The following KCNIP1 variants were observed in gnomAD, a reference collection of about 807,000 sequenced individuals.
KCNIP1 encodes A-type potassium channel modulatory protein KCNIP1.
A neutral mutation model predicts 33.0 loss-of-function variants in KCNIP1; 18 were observed. That is an observed-to-expected ratio of 0.55 (90% confidence interval 0.38 to 0.81). The LOEUF is 0.81. Ranked by LOEUF, KCNIP1 falls within the 30% of genes least tolerant of loss-of-function variation. The probability of loss-of-function intolerance (pLI) is 0.00; values close to 1 mark genes in which losing one functional copy is unlikely to be tolerated. For synonymous variants in KCNIP1, 93 were observed against 98.3 expected, an observed-to-expected ratio of 0.95 and a Z score of 0.32; for missense variants, 238 against 271.6, an observed-to-expected ratio of 0.88 and a Z score of 0.87.
In KCNIP1 at chr5:170,570,048, C is replaced by T. The variant is rs560353881; in HGVS notation, c.61+65415C>T. On this transcript the variant is annotated intron_variant, in intron 1 of 7. Transcript: ENST00000328939. ...GGTCCCTGCCCATCTGCAACACTCTCCTGTTTCTGCTCCGATGCTCTACGA... is the reference window on the plus strand; with the variant it reads ...GGTCCCTGCCCATCTGCAACACTCTTCTGTTTCTGCTCCGATGCTCTACGA... 8.0e-4 allele frequency among the ~76,000 whole-genome samples: 122 copies of T among 152,318 alleles called. No individual in the cohort carries two copies. In the Middle Eastern group the frequency reaches 0.01, roughly 13 times the overall value.
intron 1 of KCNIP1, among the ~76,000 whole-genome samples, chr5:170,673,360 AGTGAGAGTG>A (rs1218640197): frequency 2.6e-5 from 4 of 152,244 alleles, no homozygotes; most frequent in Non-Finnish European, 4.4e-5. Flanking sequence ...CGATCTGTTA[AGTGAGAGTG>A]GTGATGATGA....
Position 170,476,352 on chromosome 5 carries a change from G to A in KCNIP1, c.88+122388G>A, listed in dbSNP as rs566748163. ...TTACAATAACAGATGATGAAATATC[G>A]AAGTGTTGAACTGTCCTCTCAATTC... On this transcript the variant is annotated intron_variant, in intron 1 of 7. Coordinates refer to the KCNIP1 transcript ENST00000377360. Among the ~76,000 whole-genome samples the A allele has an allele frequency of 3.3e-5, 5 of 152,202 alleles. No homozygotes were observed. In the South Asian group the frequency reaches 6.2e-4, roughly 19 times the overall value.
intron 1 of KCNIP1, among the ~76,000 whole-genome samples, chr5:170,437,348 C>T (rs1373103302): frequency 6.6e-6 from 1 of 152,156 alleles, no homozygotes; most frequent in Non-Finnish European, 1.5e-5. Flanking sequence ...TTCTCAAATG[C>T]CAAGGTGGCA....
intron 1 of KCNIP1, among the ~76,000 whole-genome samples, chr5:170,515,187 C>G (rs1755077117): frequency 6.6e-6 from 1 of 152,130 alleles, no homozygotes; most frequent in South Asian, 2.1e-4. Context: ...CTAGAAGCGC[C>G]TTATGATTTG....
chr5:170,680,515 CT>C (rs2113792587), intron 1 of KCNIP1: 1 of 152,360 alleles, frequency 6.6e-6, no homozygotes, highest in East Asian at 1.9e-4. Flanking sequence ...CTTACCATAG[CT>C]TTCCTGGTGG....
chr5:170,394,222 C>T (rs1234971847), intron 1 of KCNIP1, among the ~76,000 whole-genome samples: 3 of 152,224 alleles, frequency 2.0e-5, no homozygotes, highest in African/African-American at 4.8e-5. Flanking sequence ...AGCCACTCTC[C>T]GCGCCTCCTG....
At chr5:170,431,203 G>A (rs991886522) in intron 1 of KCNIP1, among the ~76,000 whole-genome samples, 7 of 152,254 alleles carry the variant, frequency 4.6e-5, no homozygotes, top group South Asian at 4.1e-4. Flanking sequence ...CTAGGCTGGC[G>A]GAGGAGCCAG....
At chr5:170,457,808 A>G (rs1756420571) in intron 1 of KCNIP1, among the ~76,000 whole-genome samples, 1 of 152,116 alleles carries the variant, frequency 6.6e-6, no homozygotes, top group Non-Finnish European at 1.5e-5. Context: ...CCAAAAAATC[A>G]CACTAGGTCA....
At chr5:170,672,738 A>T (rs1761974204) in intron 1 of KCNIP1, among the ~76,000 whole-genome samples, 1 of 152,224 alleles carries the variant, frequency 6.6e-6, no homozygotes, top group Non-Finnish European at 1.5e-5. Flanking sequence ...ATGTCTTCCC[A>T]GGAGGGAGGG....
intron 1 of KCNIP1, among the ~76,000 whole-genome samples, chr5:170,531,562 G>T (rs1050352484): frequency 2.6e-5 from 4 of 152,206 alleles, no homozygotes; most frequent in African/African-American, 9.7e-5. Flanking sequence ...AACATCCTAA[G>T]TCCTAAGGTA....
intron 1 of KCNIP1, among the ~76,000 whole-genome samples, chr5:170,355,971 G>T (rs987274790): frequency 6.6e-6 from 1 of 152,160 alleles, no homozygotes; most frequent in African/African-American, 2.4e-5. Context: ...ACACAGCCCC[G>T]GCTCTGCGCC....
intron 1 of KCNIP1, among the ~76,000 whole-genome samples, chr5:170,386,815 A>G (rs184328603): frequency 1.9e-3 from 285 of 152,144 alleles, no homozygotes; most frequent in African/African-American, 6.6e-3. Flanking sequence ...CAGAATGGGC[A>G]CATTCTGCTG....
intron 1 of KCNIP1, among the ~76,000 whole-genome samples, chr5:170,488,505 AGAG>A (rs1165949175): frequency 2.0e-5 from 3 of 152,274 alleles, no homozygotes; most frequent in Admixed American, 6.5e-5. Context: ...GTTAAGCATC[AGAG>A]GAGGAGGATA....
At chr5:170,550,798 G>A (rs1208081303) in intron 1 of KCNIP1, among the ~76,000 whole-genome samples, 1 of 152,108 alleles carries the variant, frequency 6.6e-6, no homozygotes, top group Admixed American at 6.5e-5. Flanking sequence ...GATAATGGTG[G>A]TGATGGTGAT....
At chr5:170,372,884 T>C (rs554140058) in intron 1 of KCNIP1, among the ~76,000 whole-genome samples, 19 of 152,160 alleles carry the variant, frequency 1.2e-4, no homozygotes, top group Non-Finnish European at 2.6e-4. Flanking sequence ...GCTTTTGTTT[T>C]ATGTGTACTG....
At chr5:170,699,656 A>G (rs1013611822) in intron 1 of KCNIP1, among the ~76,000 whole-genome samples, 1 of 152,090 alleles carries the variant, frequency 6.6e-6, no homozygotes, top group Admixed American at 6.5e-5. Flanking sequence ...GCTGAGCCCA[A>G]CTCAGCCCTA....
chr5:170,728,896 A>C (rs1260383480), intron 5 of KCNIP1, among the ~76,000 whole-genome samples: 3 of 152,196 alleles, frequency 2.0e-5, no homozygotes, highest in Non-Finnish European at 4.4e-5. Context: ...CAGATACTGA[A>C]ATATATTATA....
At chr5:170,551,690 G>C (rs1243583702) in intron 1 of KCNIP1, among the ~76,000 whole-genome samples, 1 of 151,852 alleles carries the variant, frequency 6.6e-6, no homozygotes, top group African/African-American at 2.4e-5. Context: ...GTGGATGAGA[G>C]TGTGTATGTG....
intron 1 of KCNIP1, among the ~76,000 whole-genome samples, chr5:170,521,888 T>A (rs1304256290): frequency 6.6e-6 from 1 of 152,208 alleles, no homozygotes; most frequent in East Asian, 1.9e-4. Flanking sequence ...GTAGCCTTCT[T>A]CCATGTAGTC....
Sources: gnomAD v4.1 joint callset for allele counts (sites outside exome capture counted in the v4.1 genomes callset) on GRCh38, gnomAD v4.1.1 for gene constraint, MANE v1.5 for transcripts, NCBI Gene and HGNC (gene_info 2026-07-23, HGNC 2026-07-21) for gene names.